TMEM178A: variants seen among roughly 807,000 people sequenced by gnomAD.
TMEM178A encodes transmembrane protein 178A, also known as transmembrane protein 178.
TMEM178A carries 12 observed loss-of-function variants against 29.1 expected under a neutral mutation model. The observed-to-expected ratio is 0.41, with a 90% CI of 0.26 to 0.67. The LOEUF (loss-of-function observed/expected upper bound fraction) is 0.67, where lower values mean the gene tolerates loss of function less well. Among genes scored for constraint, TMEM178A ranks in the 30% least tolerant of loss-of-function variants. The pLI is 0.29. For missense variants in TMEM178A, 366 were observed against 419.1 expected, an observed-to-expected ratio of 0.87 and a Z score of 1.11; for synonymous variants, 210 against 187.2, an observed-to-expected ratio of 1.12 and a Z score of -0.99.
intron 1 of TMEM178A, among the ~76,000 whole-genome samples, chr2:39,687,740 G>A (rs781467971): frequency 9.9e-5 from 15 of 152,238 alleles, no homozygotes; most frequent in Non-Finnish European, 1.9e-4. Context: ...GGATGGAAAT[G>A]TACAGATTGA....
rs918110029 is a variant in TMEM178A, at chr2:39,708,545, T to A, written c.652+1359T>A. Among the ~76,000 whole-genome samples, 35 of 148,152 alleles carry A rather than the reference T, an allele frequency of 2.4e-4. No homozygotes were observed. The East Asian group carries it at 5.6e-3, about 24-fold the overall frequency. ...GCCATTCTCCTGCCTCAGCCTCCCG[T>A]GTAGCTGGGACTACAGGCGCGCGCC... is the stretch of plus-strand genomic sequence containing the variant. On this transcript the variant is annotated intron_variant, in intron 3 of 3. Transcript: ENST00000281961.
chr2:39,735,642 T>C, the TMEM178A span, among the ~76,000 whole-genome samples: 1 of 152,218 alleles, frequency 6.6e-6, no homozygotes, highest in South Asian at 2.1e-4. Flanking sequence ...GTCTCCATTA[T>C]CAGAGTCCCA....
intron 1 of TMEM178A, among the ~76,000 whole-genome samples, chr2:39,668,852 T>A (rs1252317809): frequency 6.6e-6 from 1 of 152,208 alleles, no homozygotes; most frequent in Non-Finnish European, 1.5e-5. Flanking sequence ...CTATGAATAA[T>A]TTGAGAAAAG....
the TMEM178A span, among the ~76,000 whole-genome samples, chr2:39,729,310 C>G: frequency 1.3e-5 from 2 of 152,182 alleles, no homozygotes; most frequent in Non-Finnish European, 2.9e-5. Flanking sequence ...TGCCTCTCCC[C>G]CAGAAAGTGG....
intron 1 of TMEM178A, among the ~76,000 whole-genome samples, chr2:39,696,379 C>T (rs1455102552): frequency 6.6e-6 from 1 of 152,082 alleles, no homozygotes; most frequent in Non-Finnish European, 1.5e-5. Flanking sequence ...TTCTGTATGG[C>T]GAATTGGGCA....
At chr2:39,692,227 G>T (rs1378492776) in intron 1 of TMEM178A, among the ~76,000 whole-genome samples, 1 of 152,146 alleles carries the variant, frequency 6.6e-6, no homozygotes, top group Non-Finnish European at 1.5e-5. Flanking sequence ...TATGCAAGAT[G>T]CATAGATTCT....
chr2:39,709,372 C>G (rs1009577463), intron 3 of TMEM178A, among the ~76,000 whole-genome samples: 1 of 152,190 alleles, frequency 6.6e-6, no homozygotes, highest in Non-Finnish European at 1.5e-5. Context: ...TGGATGCTGC[C>G]TAGTTCTCAG....
chr2:39,731,066 C>T, the TMEM178A span, among the ~76,000 whole-genome samples: 1 of 152,214 alleles, frequency 6.6e-6, no homozygotes, highest in South Asian at 2.1e-4. Flanking sequence ...TCTCTTGTCT[C>T]ACTGTCATCC....
intron 1 of TMEM178A, among the ~76,000 whole-genome samples, chr2:39,677,005 A>C (rs1026689741): frequency 1.3e-5 from 2 of 152,228 alleles, no homozygotes; most frequent in East Asian, 3.8e-4. Flanking sequence ...CACTTTTAAA[A>C]TTGAAGGTAA....
intron 1 of TMEM178A, among the ~76,000 whole-genome samples, chr2:39,670,049 G>C (rs1670345348): frequency 1.3e-5 from 2 of 152,164 alleles, no homozygotes; most frequent in Admixed American, 6.5e-5. Context: ...AAGCTTTGCT[G>C]ATCCAAGTAA....
intron 3 of TMEM178A, among the ~76,000 whole-genome samples, chr2:39,710,562 G>C (rs745907765): frequency 6.6e-6 from 1 of 152,152 alleles, no homozygotes; most frequent in Non-Finnish European, 1.5e-5. Flanking sequence ...GTGGGATTTA[G>C]GGGCGTTTGT....
At position 39,675,739 on chromosome 2, in the gene TMEM178A, T is replaced by C. The variant is rs1670589913; in HGVS notation, c.400+9365T>C. Among the ~76,000 whole-genome samples, 3 of 152,280 alleles carry C rather than the reference T, an allele frequency of 2.0e-5. No homozygotes were observed. In the South Asian group the frequency reaches 6.2e-4, roughly 32 times the overall value. On this transcript the variant is annotated intron_variant, in intron 1 of 3. Transcript: ENST00000281961. ...TTTTTTTTTCCTGGTCAGGTATTCA[T>C]CCATACATGCAGTCTTCTGGAGTTG...
intron 1 of TMEM178A, among the ~76,000 whole-genome samples, chr2:39,671,382 T>G (rs778080787): frequency 1.6e-4 from 24 of 152,220 alleles, no homozygotes; most frequent in Non-Finnish European, 2.9e-4. Flanking sequence ...TTGGAATAAT[T>G]ATCTTCCAAG....
chr2:39,671,803 C>A (rs145289970), intron 1 of TMEM178A, among the ~76,000 whole-genome samples: 12 of 152,318 alleles, frequency 7.9e-5, no homozygotes, highest in Non-Finnish European at 1.6e-4. Context: ...ACTCTCAAGA[C>A]TGCTTCTCTC....
chr2:39,731,027 G>C, the TMEM178A span, among the ~76,000 whole-genome samples: 1 of 152,162 alleles, frequency 6.6e-6, no homozygotes, highest in Non-Finnish European at 1.5e-5. Context: ...AAGGCCTTAT[G>C]GTGAGACAAG....
the TMEM178A span, among the ~76,000 whole-genome samples, chr2:39,727,016 T>C: frequency 6.6e-6 from 1 of 152,260 alleles, no homozygotes; most frequent in Admixed American, 6.5e-5. Flanking sequence ...CGTTTTGAGT[T>C]GTTTCTTTAA....
At chr2:39,725,168 C>G in the TMEM178A span, among the ~76,000 whole-genome samples, 1 of 152,126 alleles carries the variant, frequency 6.6e-6, no homozygotes, top group Non-Finnish European at 1.5e-5. Context: ...GCTAGAGGGA[C>G]AGCCATGTAG....
intron 1 of TMEM178A, among the ~76,000 whole-genome samples, chr2:39,694,099 A>G (rs1023603140): frequency 8.6e-5 from 13 of 151,200 alleles, no homozygotes; most frequent in African/African-American, 3.2e-4. Flanking sequence ...AACTCACCTG[A>G]GTCTTGCCTT....
Position 39,666,363 on chromosome 2 carries a change from T to A in TMEM178A, c.389T>A (p.Leu130His). The change falls in exon 1 of 4, where the codon CTC (leucine) becomes CAC (histidine). Residue 130 changes from leucine to histidine, a missense_variant. Physicochemically the swap from Leu to His is moderately conservative, Grantham distance 99. Transcript: ENST00000281961. ...GGCATCGACCGGGACATCGACACCC[T>A]CATCCTGAAAGGTGAGCGGCGGGCG... ...FLGIDRDIDT[L>H]ILKGIAQRCT... 1 of 1,419,114 alleles carries A rather than the reference T, an allele frequency of 7.0e-7. No homozygotes were observed. Among genetic ancestry groups the A allele is most frequent in the Non-Finnish European group, 9.2e-7 (1 of 1,083,038 alleles). 87.9% of individuals were successfully genotyped at this position (1,419,114 alleles called of 1,614,324 possible).
Sources: gnomAD v4.1 joint callset for allele counts (sites outside exome capture counted in the v4.1 genomes callset) on GRCh38, gnomAD v4.1.1 for gene constraint, MANE v1.5 for transcripts, NCBI Gene and HGNC (gene_info 2026-07-23, HGNC 2026-07-21) for gene names.